The following CHCHD6 variants were observed in gnomAD, a reference collection of about 807,000 sequenced individuals.
The protein encoded by CHCHD6 is coiled-coil-helix-coiled-coil-helix domain containing 6.
A neutral mutation model predicts 32.3 loss-of-function variants in CHCHD6; 28 were observed. The ratio of observed to expected loss-of-function variants is 0.87; its 90% CI spans 0.64 to 1.19. CHCHD6 has a LOEUF of 1.19. CHCHD6 is among the 50% of genes most tolerant of loss of function. CHCHD6 has a pLI of 0.00. For synonymous variants in CHCHD6, 122 were observed against 117.5 expected, an observed-to-expected ratio of 1.04 and a Z score of -0.25; for missense variants, 333 against 307.0, an observed-to-expected ratio of 1.08 and a Z score of -0.63.
At chr3:126,767,410 T>A (rs1937419875) in intron 4 of CHCHD6, 2 of 737,520 alleles carry the variant, frequency 2.7e-6, no homozygotes, top group East Asian at 5.3e-5. Context: ...TGGGGGCTCC[T>A]ACTCTCTTGG....
intron 4 of CHCHD6, among the ~76,000 whole-genome samples, chr3:126,799,885 C>T (rs1938983527): frequency 6.6e-6 from 1 of 152,180 alleles, no homozygotes; most frequent in African/African-American, 2.4e-5. Flanking sequence ...GTTTTGTAAA[C>T]AGTCTTTTTC....
At chr3:126,931,315 A>G (rs755463487) in intron 6 of CHCHD6, among the ~76,000 whole-genome samples, 1 of 152,210 alleles carries the variant, frequency 6.6e-6, no homozygotes, top group African/African-American at 2.4e-5. Flanking sequence ...GGTTCAGCAC[A>G]TGAAGGTGGA....
chr3:126,868,783 A>G (rs750094318), intron 5 of CHCHD6, among the ~76,000 whole-genome samples: 3 of 152,202 alleles, frequency 2.0e-5, no homozygotes, highest in Non-Finnish European at 2.9e-5. Context: ...GGCTTTTCCT[A>G]CTAGGTAAAA....
intron 4 of CHCHD6, among the ~76,000 whole-genome samples, chr3:126,753,980 C>A (rs769425167): frequency 6.6e-6 from 1 of 152,094 alleles, no homozygotes; most frequent in Non-Finnish European, 1.5e-5. Context: ...CATGTGGAGG[C>A]GGGGGATCCT....
At chr3:126,776,421 C>T (rs1197267877) in intron 4 of CHCHD6, among the ~76,000 whole-genome samples, 2 of 152,178 alleles carry the variant, frequency 1.3e-5, no homozygotes, top group African/African-American at 2.4e-5. Context: ...TCTCTCAGCT[C>T]AGTAAAGTGA....
chr3:126,877,279 G>T (rs2077551104), intron 5 of CHCHD6, among the ~76,000 whole-genome samples: 1 of 152,154 alleles, frequency 6.6e-6, no homozygotes, highest in African/African-American at 2.4e-5. Context: ...TCAACGGCCG[G>T]GCGTGGTGGC....
intron 4 of CHCHD6, among the ~76,000 whole-genome samples, chr3:126,829,420 C>G (rs1161014731): frequency 6.6e-6 from 1 of 151,942 alleles, no homozygotes; most frequent in Non-Finnish European, 1.5e-5. Flanking sequence ...TCTCCTCCAA[C>G]TTCTGCTTGC....
intron 4 of CHCHD6, among the ~76,000 whole-genome samples, chr3:126,838,445 G>A (rs542997789): frequency 2.9e-4 from 44 of 152,322 alleles, no homozygotes; most frequent in African/African-American, 1.1e-3. Flanking sequence ...AACAATGCCT[G>A]TTCAGCTCTG....
chr3:126,910,272 G>GT (rs1470549666), intron 5 of CHCHD6, among the ~76,000 whole-genome samples: 1 of 18,598 alleles, frequency 5.4e-5, no homozygotes, highest in Non-Finnish European at 3.4e-4. Context: ...CCCTGCCTCA[G>GT]GAAAAAAAAA....
intron 4 of CHCHD6, among the ~76,000 whole-genome samples, chr3:126,799,599 T>C (rs1260773777): frequency 6.6e-6 from 1 of 152,160 alleles, no homozygotes; most frequent in Non-Finnish European, 1.5e-5. Context: ...GAAGCAGAGA[T>C]TCTCAGAGCT....
intron 4 of CHCHD6, among the ~76,000 whole-genome samples, chr3:126,796,425 C>G (rs1481823780): frequency 6.6e-6 from 1 of 152,160 alleles, no homozygotes; most frequent in African/African-American, 2.4e-5. Flanking sequence ...GGATTGCCTG[C>G]TCACCTCTCC....
chr3:126,758,719 G>A (rs1937057445), intron 4 of CHCHD6, among the ~76,000 whole-genome samples: 1 of 152,290 alleles, frequency 6.6e-6, no homozygotes, highest in African/African-American at 2.4e-5. Flanking sequence ...TGAACTATAG[G>A]AGGAGGACGA....
At chr3:126,942,699 G>T (rs1408438334) in intron 6 of CHCHD6, among the ~76,000 whole-genome samples, 1 of 152,124 alleles carries the variant, frequency 6.6e-6, no homozygotes, top group African/African-American at 2.4e-5. Context: ...GTTTCTCCCA[G>T]GAGCCACATT....
At chr3:126,776,240 T>G (rs1937644674) in intron 4 of CHCHD6, among the ~76,000 whole-genome samples, 1 of 152,238 alleles carries the variant, frequency 6.6e-6, no homozygotes, top group African/African-American at 2.4e-5. Context: ...CTAAATTATA[T>G]TTTGCATATG....
At chr3:126,770,136 T>C (rs999336435) in intron 4 of CHCHD6, among the ~76,000 whole-genome samples, 1 of 152,210 alleles carries the variant, frequency 6.6e-6, no homozygotes, top group African/African-American at 2.4e-5. Flanking sequence ...TTGATTTGGC[T>C]CTTGGCTTGG....
intron 5 of CHCHD6, among the ~76,000 whole-genome samples, chr3:126,883,439 C>T (rs2077638001): frequency 6.6e-6 from 1 of 152,208 alleles, no homozygotes; most frequent in Non-Finnish European, 1.5e-5. Flanking sequence ...CAGCTGGTGT[C>T]TGCTGCAGAA....
rs60860773 is a variant in CHCHD6, at chr3:126,853,254, T to TAAA, written c.495+540_495+542dup. On this transcript the variant is annotated intron_variant, in intron 5 of 7. Transcript: ENST00000290913. ...ATTTAAAAACATATCATCATGCCTTTAAAAAAAAAAAAAAAAAACCCCTAC... is the reference window on the plus strand; with the variant it reads ...ATTTAAAAACATATCATCATGCCTTTAAAAAAAAAAAAAAAAAAAAACCCCTAC... Among the ~76,000 whole-genome samples, 91 of 132,936 alleles carry TAAA rather than the reference T, an allele frequency of 6.8e-4. 1 individual carries two copies. The highest frequency in any genetic ancestry group is 1.6e-3 in the Admixed American group (21 of 13,142). 87.2% of individuals were successfully genotyped at this position (132,936 alleles called of 152,430 possible).
intron 4 of CHCHD6, among the ~76,000 whole-genome samples, chr3:126,838,892 C>CTT (rs1217788517): frequency 6.4e-5 from 9 of 139,574 alleles, no homozygotes; most frequent in East Asian, 2.1e-4. Flanking sequence ...TTCTTTTTTC[C>CTT]TTTTTTTTTT....
intron 1 of CHCHD6, among the ~76,000 whole-genome samples, chr3:126,707,516 G>A (rs1466023135): frequency 6.6e-6 from 1 of 152,224 alleles, no homozygotes; most frequent in Non-Finnish European, 1.5e-5. Flanking sequence ...TGGCGCATAT[G>A]TGTCTGCCTT....
Sources: allele counts gnomAD v4.1 joint callset (sites outside exome capture counted in the v4.1 genomes callset), GRCh38; gene constraint gnomAD v4.1.1; transcripts MANE v1.5; gene names NCBI Gene and HGNC (gene_info 2026-07-23, HGNC 2026-07-21).